COMMD5: variants seen among roughly 807,000 people sequenced by gnomAD.
COMMD5 encodes the protein COMM domain containing 5.
COMMD5 carries 10 observed loss-of-function variants against 6.9 expected under a neutral mutation model. The ratio of observed to expected loss-of-function variants is 1.44; its 90% CI spans 0.89 to 2.45. COMMD5 has a LOEUF of 2.45. Ranked by LOEUF, COMMD5 falls within the 30% of genes most tolerant of loss-of-function variation. The probability of loss-of-function intolerance (pLI) is 0.00; values close to 1 mark genes in which losing one functional copy is unlikely to be tolerated. For synonymous variants in COMMD5, 127 were observed against 125.3 expected (o/e 1.01, Z -0.09); for missense variants, 234 against 287.8 (o/e 0.81, Z 1.35).
chr8:144,848,892 G>C (rs1158701440), downstream of COMMD5, among the ~76,000 whole-genome samples: 1 of 152,188 alleles, frequency 6.6e-6, no homozygotes, highest in African/African-American at 2.4e-5. Context: ...CCACTCCCCT[G>C]CCTGTGTCTC....
downstream of COMMD5, among the ~76,000 whole-genome samples, chr8:144,840,880 C>T (rs184909697): frequency 2.5e-3 from 388 of 152,278 alleles, 1 homozygote; most frequent in African/African-American, 2.8e-3. Context: ...TCTGAGCTCA[C>T]GTAGTAAGTC....
At chr8:144,842,767 AAATGT>A in intron 1 of COMMD5, 1 of 1,614,176 alleles carries the variant, frequency 6.2e-7, no homozygotes, top group South Asian at 1.1e-5. Flanking sequence ...GAGGCCCTAT[AAATGT>A]AATGAATGTG....
At chr8:144,842,203 G>T (rs1372894051) in intron 1 of COMMD5, 1 of 1,614,018 alleles carries the variant, frequency 6.2e-7, no homozygotes, top group Non-Finnish European at 8.5e-7. Context: ...CCCTTGCAAG[G>T]AGTGTGGGAA....
intron 1 of COMMD5, chr8:144,843,244 A>G: frequency 1.4e-6 from 2 of 1,447,018 alleles, no homozygotes; most frequent in Non-Finnish European, 1.9e-6. Flanking sequence ...GGAATCGTTT[A>G]TACTGACAAA....
chr8:144,842,393 G>T, intron 1 of COMMD5: 1 of 1,613,996 alleles, frequency 6.2e-7, no homozygotes, highest in Non-Finnish European at 8.5e-7. Context: ...TCTCGCCTGA[G>T]TCAGCATCAG....
intron 1 of COMMD5, among the ~76,000 whole-genome samples, chr8:144,844,987 C>T (rs939352362): frequency 2.0e-5 from 3 of 151,844 alleles, no homozygotes; most frequent in Non-Finnish European, 2.9e-5. Context: ...TGGGGGTAGA[C>T]CAGCAGACCA....
chr8:144,849,949 G>T (rs1289188193), downstream of COMMD5, among the ~76,000 whole-genome samples: 1 of 152,026 alleles, frequency 6.6e-6, no homozygotes, highest in Non-Finnish European at 1.5e-5. Context: ...TCCCCACAAT[G>T]ATCTCCACCT....
At chr8:144,853,117 C>A (rs925195280), upstream of COMMD5, 2 of 152,234 alleles carry the variant, frequency 1.3e-5, no homozygotes, top group Admixed American at 1.3e-4. Context: ...TCCGCTGGCC[C>A]GAGGGGCGGA....
chr8:144,853,108 C>G (rs1394655666), upstream of COMMD5: 1 of 152,264 alleles, frequency 6.6e-6, no homozygotes, highest in East Asian at 1.9e-4. Context: ...CCACTGTGGT[C>G]CGCTGGCCCG....
At chr8:144,842,862 G>T (rs775080122) in intron 1 of COMMD5, 2 of 1,614,078 alleles carry the variant, frequency 1.2e-6, no homozygotes, top group African/African-American at 2.7e-5. Flanking sequence ...AGTGCAGTGA[G>T]TGTGGAAAAG....
At chr8:144,839,340 G>A (rs1258457974), downstream of COMMD5, among the ~76,000 whole-genome samples, 1 of 152,264 alleles carries the variant, frequency 6.6e-6, no homozygotes, top group Non-Finnish European at 1.5e-5. Flanking sequence ...TGTGGGAAGA[G>A]TGGTCAGGAA....
intron 1 of COMMD5, chr8:144,842,916 C>G: frequency 6.2e-7 from 1 of 1,614,192 alleles, no homozygotes; most frequent in Non-Finnish European, 8.5e-7. Flanking sequence ...AGAGAATACA[C>G]ACTAGGGCCC....
intron 1 of COMMD5, chr8:144,843,043 C>T (rs750306247): frequency 3.3e-5 from 54 of 1,613,892 alleles, no homozygotes; most frequent in Admixed American, 8.3e-5. Context: ...ATTTAGGTGG[C>T]GTTCACACCT....
At position 144,842,765 on chromosome 8, in the gene COMMD5, A is replaced by G. The variant is rs1830117569; in HGVS notation, c.*117-1022T>C. 1.2e-6 allele frequency: 2 copies of G among 1,614,098 alleles called. No individual in the cohort carries two copies. The highest frequency in any genetic ancestry group is 1.7e-5 in the Admixed American group (1 of 60,004). ...AGGGTTCACACTGGAGAGAGGCCCT[A>G]TAAATGTAATGAATGTGGGAAAGCC... On this transcript the variant is annotated intron_variant and NMD_transcript_variant, in intron 1 of 1. Coordinates refer to the COMMD5 transcript ENST00000530332.
At chr8:144,844,121 A>T (rs1379963643) in intron 1 of COMMD5, among the ~76,000 whole-genome samples, 1 of 152,166 alleles carries the variant, frequency 6.6e-6, no homozygotes, top group Admixed American at 6.5e-5. Context: ...TTGCTGTGTG[A>T]CCTAGGACAT....
At chr8:144,841,736 A>C (rs1829937693) in exon 2 of COMMD5, 2 of 1,614,196 alleles carry the variant, frequency 1.2e-6, no homozygotes, top group Non-Finnish European at 1.7e-6. Context: ...GCCACTTCAG[A>C]TATCGCTCTG....
At position 144,851,285 on chromosome 8, in the gene COMMD5, G is replaced by A. The variant is rs753456587; in HGVS notation, c.54C>T (p.His18=). Residue 18 remains histidine, a synonymous_variant, in exon 2 of 2, where the codon CAC becomes CAT. Coordinates refer to ENST00000305103, the MANE Select transcript of COMMD5 (RefSeq NM_014066.4). ...TPYLHHPGDS[H]SGRVSFLGAQ... Reference sequence around the variant, plus strand: ...CCCCCAAGAAACTCACTCGGCCACTGTGACTATCACCAGGATGATGCAGGT... The same window carrying A: ...CCCCCAAGAAACTCACTCGGCCACTATGACTATCACCAGGATGATGCAGGT... 6.2e-6 allele frequency: 10 copies of A among 1,613,920 alleles called. No individual in the cohort carries two copies. The highest frequency in any genetic ancestry group is 3.3e-5 in the Admixed American group (2 of 60,010).
chr8:144,845,926 T>G (rs1586854571), downstream of COMMD5: 2 of 1,509,670 alleles, frequency 1.3e-6, no homozygotes, highest in Non-Finnish European at 1.8e-6. Flanking sequence ...CTTAGCCAGG[T>G]GGTCACCTTC....
At chr8:144,840,433 G>A (rs1234757894), downstream of COMMD5, among the ~76,000 whole-genome samples, 1 of 152,208 alleles carries the variant, frequency 6.6e-6, no homozygotes, top group Non-Finnish European at 1.5e-5. Context: ...GTAGACTCGG[G>A]CTGGTTATAG....
Sources: allele counts gnomAD v4.1 joint callset (sites outside exome capture counted in the v4.1 genomes callset), GRCh38; gene constraint gnomAD v4.1.1; transcripts MANE v1.5; gene names NCBI Gene and HGNC (gene_info 2026-07-23, HGNC 2026-07-21).